The following KLF12 variants were observed in gnomAD, a reference collection of about 807,000 sequenced individuals.
The protein encoded by KLF12 is Krueppel-like factor 12.
In KLF12, 9 loss-of-function variants were observed where a neutral mutation model predicts 37.8. The ratio of observed to expected loss-of-function variants is 0.24; its 90% CI spans 0.14 to 0.42. The LOEUF (loss-of-function observed/expected upper bound fraction) is 0.42. Ranked by LOEUF, KLF12 falls within the 10% of genes least tolerant of loss-of-function variation. The pLI, the probability that KLF12 is intolerant of heterozygous loss-of-function variation, is 1.00. For missense variants in KLF12, 411 were observed against 516.0 expected, an observed-to-expected ratio of 0.80 and a Z score of 1.97; for synonymous variants, 208 against 202.1, an observed-to-expected ratio of 1.03 and a Z score of -0.25.
chr13:74,018,040 A>T (rs1474702781), intron 1 of KLF12, among the ~76,000 whole-genome samples: 1 of 152,040 alleles, frequency 6.6e-6, no homozygotes, highest in Non-Finnish European at 1.5e-5. Flanking sequence ...GGATTGGAAC[A>T]ACCAAGGCCA....
At chr13:73,909,722 G>A (rs760363630) in intron 3 of KLF12, among the ~76,000 whole-genome samples, 3 of 152,054 alleles carry the variant, frequency 2.0e-5, no homozygotes, top group Non-Finnish European at 4.4e-5. Flanking sequence ...ACAAACTTAC[G>A]TTTGTTTAAA....
At chr13:74,053,693 G>A (rs1873065278) in intron 1 of KLF12, among the ~76,000 whole-genome samples, 1 of 152,164 alleles carries the variant, frequency 6.6e-6, no homozygotes, top group African/African-American at 2.4e-5. Context: ...AGCACAAGCA[G>A]ATGTGTAATA....
chr13:73,941,142 T>C lies in KLF12; in HGVS notation c.123+2839A>G, dbSNP rs188207212. On this transcript the variant is annotated intron_variant, in intron 3 of 7. Coordinates refer to ENST00000377669, the MANE Select transcript of KLF12 (RefSeq NM_007249.5). ...AAAACTAGGTTTTTCAGAGTGATTA[T>C]ACATTCCAACCAATGTACCACCTTC... Among the ~76,000 whole-genome samples, 82 of 152,376 alleles carry C rather than the reference T, an allele frequency of 5.4e-4. 1 individual carries two copies. Among genetic ancestry groups the C allele is most frequent in the Non-Finnish European group, 8.8e-4 (60 of 68,034 alleles).
In KLF12 at chr13:73,937,466, A is replaced by G. The variant is rs1403420611; in HGVS notation, c.123+6515T>C. ...CCTTAAGAAATATTCCTTTTTACAAAGCACTGACCCTATAAAAATGCAAAT... is the reference window on the plus strand; with the variant it reads ...CCTTAAGAAATATTCCTTTTTACAAGGCACTGACCCTATAAAAATGCAAAT... On this transcript the variant is annotated intron_variant, in intron 3 of 7. Coordinates refer to ENST00000377669, the MANE Select transcript of KLF12 (RefSeq NM_007249.5). Among the ~76,000 whole-genome samples, 3 of 152,214 alleles carry G rather than the reference A, an allele frequency of 2.0e-5. No homozygotes were observed. The East Asian group carries it at 5.8e-4, about 29-fold the overall frequency.
In KLF12 at chr13:73,812,558, A is replaced by AT. The variant is rs575241788; in HGVS notation, c.806+593dup. Among the ~76,000 whole-genome samples, 692 of 150,318 alleles carry AT rather than the reference A, an allele frequency of 4.6e-3. 1 individual carries two copies. Among genetic ancestry groups the AT allele is most frequent in the African/African-American group, 0.015 (594 of 40,950 alleles). On this transcript the variant is annotated intron_variant, in intron 5 of 7. Coordinates refer to ENST00000377669, the MANE Select transcript of KLF12 (RefSeq NM_007249.5). ...AATTATTCTACAAAAAAAAACATGG[A>AT]TTTTTTTTTTCAATCATTTAGGTTC...
At chr13:74,199,433 G>A in the KLF12 span, among the ~76,000 whole-genome samples, 80 of 152,286 alleles carry the variant, frequency 5.3e-4, no homozygotes, top group Non-Finnish European at 8.8e-4. Context: ...GACTGGTAGT[G>A]CATGAATTAT....
intron 6 of KLF12, among the ~76,000 whole-genome samples, chr13:73,748,641 A>G (rs539781533): frequency 6.6e-6 from 1 of 152,292 alleles, no homozygotes. Flanking sequence ...AACTGTGAGA[A>G]ATAGTCCTGT....
chr13:73,714,240 C>G (rs1471853213), intron 7 of KLF12, among the ~76,000 whole-genome samples: 4 of 152,054 alleles, frequency 2.6e-5, no homozygotes, highest in Admixed American at 2.0e-4. Context: ...CCCAGGAGTT[C>G]AAGACCAGCC....
At chr13:74,231,131 C>T in the KLF12 span, among the ~76,000 whole-genome samples, 1 of 151,768 alleles carries the variant, frequency 6.6e-6, no homozygotes, top group Non-Finnish European at 1.5e-5. Context: ...AATGTAGTAA[C>T]CACAGTGATC....
intron 6 of KLF12, among the ~76,000 whole-genome samples, chr13:73,726,828 C>T (rs182757927): frequency 6.6e-5 from 10 of 152,290 alleles, no homozygotes; most frequent in Non-Finnish European, 1.0e-4. Context: ...TTAGGTCATA[C>T]GATAATTCTA....
chr13:74,061,681 A>C (rs1231063569), intron 1 of KLF12, among the ~76,000 whole-genome samples: 1 of 152,222 alleles, frequency 6.6e-6, no homozygotes, highest in African/African-American at 2.4e-5. Flanking sequence ...CCCGAGGCTA[A>C]TCTGATCCTT....
chr13:74,036,773 G>A (rs77132570), intron 1 of KLF12, among the ~76,000 whole-genome samples: 10,808 of 152,244 alleles, frequency 0.071, 510 homozygotes, highest in Non-Finnish European at 0.1. Flanking sequence ...AAATGTGAAA[G>A]AATAAGACAG....
chr13:73,891,904 A>AAAGT (rs1487737480), intron 3 of KLF12, among the ~76,000 whole-genome samples: 1 of 152,152 alleles, frequency 6.6e-6, no homozygotes, highest in African/African-American at 2.4e-5. Context: ...CTCCGAACAA[A>AAAGT]AAGTAACATT....
intron 5 of KLF12, among the ~76,000 whole-genome samples, chr13:73,768,453 C>G (rs1256173084): frequency 6.6e-6 from 1 of 152,138 alleles, no homozygotes; most frequent in Non-Finnish European, 1.5e-5. Context: ...GCTTATACAA[C>G]TTTACTAAAG....
At chr13:73,837,276 A>G (rs148408760) in intron 4 of KLF12, among the ~76,000 whole-genome samples, 7 of 152,310 alleles carry the variant, frequency 4.6e-5, no homozygotes, top group African/African-American at 1.7e-4. Context: ...CAATACAGAC[A>G]GCTTCTGTCT....
chr13:73,855,194 A>G (rs1407686465), intron 3 of KLF12, among the ~76,000 whole-genome samples: 1 of 152,192 alleles, frequency 6.6e-6, no homozygotes, highest in Non-Finnish European at 1.5e-5. Flanking sequence ...GATTCATCCC[A>G]TCATCAGGTA....
intron 1 of KLF12, among the ~76,000 whole-genome samples, chr13:74,066,717 A>C (rs1009197912): frequency 6.6e-6 from 1 of 152,184 alleles, no homozygotes; most frequent in Non-Finnish European, 1.5e-5. Flanking sequence ...TTATATGTGA[A>C]TATATATCTC....
chr13:73,797,001 C>T (rs900999741), intron 5 of KLF12, among the ~76,000 whole-genome samples: 1 of 152,110 alleles, frequency 6.6e-6, no homozygotes, highest in African/African-American at 2.4e-5. Flanking sequence ...AAGTGGCTGT[C>T]TAGGGGTTTG....
chr13:74,170,142 TA>T, the KLF12 span, among the ~76,000 whole-genome samples: 1 of 152,168 alleles, frequency 6.6e-6, no homozygotes, highest in Admixed American at 6.5e-5. Context: ...AAATCCCTTC[TA>T]AAAGCGTAAT....
Sources: allele counts gnomAD v4.1 joint callset (sites outside exome capture counted in the v4.1 genomes callset), GRCh38; gene constraint gnomAD v4.1.1; transcripts MANE v1.5; gene names NCBI Gene and HGNC (gene_info 2026-07-23, HGNC 2026-07-21).